CUX2: variants seen among roughly 807,000 people sequenced by gnomAD.
CUX2 encodes cut like homeobox 2, also known as homeobox protein cut-like 2.
In CUX2, 40 loss-of-function variants were observed where a neutral mutation model predicts 144.8. The ratio of observed to expected loss-of-function variants is 0.28; its 90% CI spans 0.21 to 0.36. The LOEUF is 0.36. CUX2 is among the 10% of genes least tolerant of loss of function. The pLI is 1.00. For missense variants in CUX2, 1,615 were observed against 1,994.0 expected, an observed-to-expected ratio of 0.81 and a Z score of 3.62; for synonymous variants, 827 against 875.6, an observed-to-expected ratio of 0.94 and a Z score of 0.98.
intron 4 of CUX2, among the ~76,000 whole-genome samples, chr12:111,275,519 G>A (rs1385543887): frequency 6.6e-6 from 1 of 152,196 alleles, no homozygotes; most frequent in Admixed American, 6.5e-5. Flanking sequence ...GAGAAGTGCT[G>A]AGCCCAACAG....
chr12:111,045,452 A>G (rs755247827), intron 1 of CUX2, among the ~76,000 whole-genome samples: 9 of 152,222 alleles, frequency 5.9e-5, no homozygotes, highest in Non-Finnish European at 8.8e-5. Flanking sequence ...CTTCTACTTC[A>G]TAATCATTTG....
intron 1 of CUX2, among the ~76,000 whole-genome samples, chr12:111,104,746 T>C (rs770016670): frequency 2.6e-5 from 4 of 152,196 alleles, no homozygotes; most frequent in Non-Finnish European, 5.9e-5. Context: ...CGTTCCTGGT[T>C]ACCAGAGGAG....
At chr12:111,203,006 C>T (rs1358108569) in intron 1 of CUX2, among the ~76,000 whole-genome samples, 4 of 151,890 alleles carry the variant, frequency 2.6e-5, no homozygotes, top group Non-Finnish European at 5.9e-5. Flanking sequence ...CCAAGGTGAG[C>T]GGATCACTTG....
At position 111,320,215 on chromosome 12, in the gene CUX2, G is replaced by A. The variant is rs1386076386; in HGVS notation, c.2206G>A (p.Ala736Thr). ...SPPERPSLATASQNGAPALVK... is the reference protein window; with the variant it reads ...SPPERPSLATTSQNGAPALVK... Reference sequence around the variant, plus strand: ...CCCGGAGCGGCCATCACTGGCCACCGCGAGCCAGAACGGGGCCCCGGCCTT... The same window carrying A: ...CCCGGAGCGGCCATCACTGGCCACCACGAGCCAGAACGGGGCCCCGGCCTT... Residue 736 changes from alanine (A) to threonine (T), a missense_variant, in exon 17 of 22, where the codon GCG (alanine) becomes ACG (threonine). Ala to Thr is a moderately conservative substitution (Grantham distance 58). Around this residue, in one of 12 missense-constraint regions of CUX2, gnomAD observed 390 missense variants for 387.1 expected, o/e 1.01. Coordinates refer to ENST00000261726, the MANE Select transcript of CUX2 (RefSeq NM_015267.4). The surrounding 1 kb of genome is among the most constrained non-coding windows in gnomAD (Gnocchi z 8.1). The A allele has an allele frequency of 3.9e-6, 6 of 1,551,928 alleles. No individual in the cohort carries two copies. The highest frequency in any genetic ancestry group is 4.3e-6 in the Non-Finnish European group (5 of 1,156,898).
intron 1 of CUX2, among the ~76,000 whole-genome samples, chr12:111,193,600 A>G (rs1880037348): frequency 6.6e-6 from 1 of 152,186 alleles, no homozygotes; most frequent in Admixed American, 6.5e-5. Context: ...TCTGCTGGAT[A>G]AAGACGGATG....
chr12:111,097,671 C>T (rs529691827), intron 1 of CUX2, among the ~76,000 whole-genome samples: 1 of 152,186 alleles, frequency 6.6e-6, no homozygotes, highest in Admixed American at 6.5e-5. Context: ...CACAAGACAG[C>T]GTTTTCTCAC....
intron 1 of CUX2, among the ~76,000 whole-genome samples, chr12:111,126,627 C>T (rs1161176615): frequency 1.3e-5 from 2 of 152,194 alleles, no homozygotes; most frequent in African/African-American, 2.4e-5. Context: ...AGAAGAGGCC[C>T]ACTCACATTA....
Position 111,288,834 on chromosome 12 carries a change from G to A in CUX2, c.302-2584G>A, listed in dbSNP as rs139770747. Among the ~76,000 whole-genome samples the A allele has an allele frequency of 2.1e-3, 315 of 152,274 alleles. 3 individuals are homozygous for A. The East Asian group carries it at 0.039, about 19-fold the overall frequency. ...AAAAATTAGCTGGGTGTGATGGCGC[G>A]CATCTGTAATCTCAGCTACTCAGTA... is the stretch of plus-strand genomic sequence containing the variant. On this transcript the variant is annotated intron_variant, in intron 4 of 21. Transcript: ENST00000261726.
chr12:111,213,035 CAT>C, intron 1 of CUX2, among the ~76,000 whole-genome samples: 1 of 152,322 alleles, frequency 6.6e-6, no homozygotes, highest in East Asian at 1.9e-4. Context: ...CCTCATCATA[CAT>C]ATGTTAGATT....
chr12:111,326,459 G>T (rs1050456615), intron 18 of CUX2, among the ~76,000 whole-genome samples: 1 of 151,494 alleles, frequency 6.6e-6, no homozygotes, highest in African/African-American at 2.4e-5. Flanking sequence ...GTGGGGTAGG[G>T]GTTGGTTTTG....
At chr12:111,102,075 C>A (rs536144125) in intron 1 of CUX2, among the ~76,000 whole-genome samples, 1 of 152,262 alleles carries the variant, frequency 6.6e-6, no homozygotes, top group East Asian at 1.9e-4. Flanking sequence ...AATGTGTAAC[C>A]CACTCTTTCT....
At chr12:111,098,259 G>C (rs1169510791) in intron 1 of CUX2, among the ~76,000 whole-genome samples, 1 of 152,196 alleles carries the variant, frequency 6.6e-6, no homozygotes, top group Non-Finnish European at 1.5e-5. Context: ...AATTAACCGG[G>C]TGTGGTGGTG....
chr12:111,153,831 CACA>C (rs2136140532), intron 1 of CUX2, among the ~76,000 whole-genome samples: 1 of 152,330 alleles, frequency 6.6e-6, no homozygotes, highest in African/African-American at 2.4e-5. Flanking sequence ...GGGTAGCTTA[CACA>C]ACAAGGATTT....
chr12:111,343,646 C>T (rs1417631510), intron 21 of CUX2, among the ~76,000 whole-genome samples: 1 of 152,214 alleles, frequency 6.6e-6, no homozygotes, highest in African/African-American at 2.4e-5. Context: ...CCCCAATCCC[C>T]CCACAAGTCA....
intron 1 of CUX2, among the ~76,000 whole-genome samples, chr12:111,120,834 A>G (rs1034839461): frequency 6.6e-6 from 1 of 152,092 alleles, no homozygotes. Context: ...GGAGAGGATT[A>G]TGTTGCCTTG....
chr12:111,292,459 TCA>T (rs1885741354), intron 5 of CUX2, among the ~76,000 whole-genome samples: 1 of 152,082 alleles, frequency 6.6e-6, no homozygotes, highest in African/African-American at 2.4e-5. Context: ...GTTTGGTGGC[TCA>T]CACCTGTAAT....
At chr12:111,124,726 C>G (rs145148843) in intron 1 of CUX2, among the ~76,000 whole-genome samples, 1 of 152,284 alleles carries the variant, frequency 6.6e-6, no homozygotes, top group East Asian at 1.9e-4. Flanking sequence ...GTTTCAGGTA[C>G]AAATCCCATC....
At chr12:111,050,008 G>A (rs900202705) in intron 1 of CUX2, among the ~76,000 whole-genome samples, 3 of 152,108 alleles carry the variant, frequency 2.0e-5, no homozygotes, top group African/African-American at 7.2e-5. Context: ...ATTCTGCAGA[G>A]GAGGAAACTG....
chr12:111,193,743 C>T (rs997309844), intron 1 of CUX2, among the ~76,000 whole-genome samples: 12 of 152,178 alleles, frequency 7.9e-5, no homozygotes, highest in Admixed American at 2.6e-4. Context: ...GTGGGCAGCA[C>T]TGCCATGGGC....
Sources: gnomAD v4.1 joint callset for allele counts (sites outside exome capture counted in the v4.1 genomes callset) on GRCh38, gnomAD v4.1.1 for gene constraint, gnomAD v4.1.1 regional missense constraint, Gnocchi (gnomAD v3.1) non-coding constraint, MANE v1.5 for transcripts, NCBI Gene and HGNC (gene_info 2026-07-23, HGNC 2026-07-21) for gene names.